Variants in TIAM2 observed in about 807,000 individuals in gnomAD.
TIAM2 encodes the protein TIAM Rac1 associated GEF 2.
In TIAM2, 80 loss-of-function variants were observed where a neutral mutation model predicts 152.9. That is an observed-to-expected ratio of 0.52 (90% confidence interval 0.44 to 0.63). The LOEUF is 0.63. Among genes scored for constraint, TIAM2 ranks in the 30% least tolerant of loss-of-function variants. The probability of loss-of-function intolerance (pLI) is 0.00; values close to 1 mark genes in which losing one functional copy is unlikely to be tolerated. For missense variants in TIAM2, 1,965 were observed against 2,120.1 expected, an observed-to-expected ratio of 0.93 and a Z score of 1.44; for synonymous variants, 804 against 838.0, an observed-to-expected ratio of 0.96 and a Z score of 0.70.
At chr6:155,152,624 T>C (rs1780002048) in intron 7 of TIAM2, among the ~76,000 whole-genome samples, 1 of 152,202 alleles carries the variant, frequency 6.6e-6, no homozygotes, top group Non-Finnish European at 1.5e-5. Context: ...GAGATGAGAC[T>C]TGTGGATCCG....
rs1178113121 is a variant in TIAM2 at position 155,029,391 on chromosome 6, ATATAC to A, written c.-209+33904_-209+33908del. Among the ~76,000 whole-genome samples the A allele has an allele frequency of 4.4e-4, 24 of 54,572 alleles. 1 individual carries two copies. In the East Asian group the frequency reaches 0.011, roughly 25 times the overall value. 35.8% of individuals were successfully genotyped at this position (54,572 alleles called of 152,430 possible). ...ATATACTATATATACTATGTTATATATATACTATAGTATATATAATATATACTATA... is the reference window on the plus strand; with the variant it reads ...ATATACTATATATACTATGTTATATATATAGTATATATAATATATACTATA... On this transcript the variant is annotated intron_variant, in intron 1 of 26. Coordinates refer to ENST00000682666, the MANE Select transcript of TIAM2 (RefSeq NM_012454.4).
intron 15 of TIAM2, among the ~76,000 whole-genome samples, chr6:155,222,243 C>T (rs1261908819): frequency 1.3e-5 from 2 of 151,902 alleles, no homozygotes; most frequent in Non-Finnish European, 2.9e-5. Context: ...CGTGAGCCAC[C>T]ACACCCGGCC....
At chr6:155,075,534 A>G (rs1777936643) in intron 1 of TIAM2, among the ~76,000 whole-genome samples, 1 of 152,226 alleles carries the variant, frequency 6.6e-6, no homozygotes, top group Admixed American at 6.5e-5. Context: ...TTAGTGTGTA[A>G]TAACACAGAA....
At chr6:155,196,033 C>T (rs755098676) in intron 14 of TIAM2, among the ~76,000 whole-genome samples, 8 of 152,158 alleles carry the variant, frequency 5.3e-5, no homozygotes, top group African/African-American at 1.4e-4. Context: ...CATGATCTGA[C>T]GAGTGATTGG....
intron 1 of TIAM2, among the ~76,000 whole-genome samples, chr6:155,009,145 A>G (rs1034987361): frequency 8.4e-6 from 1 of 119,192 alleles, no homozygotes; most frequent in Non-Finnish European, 1.6e-5. Context: ...TCTGTCACCG[A>G]GGCTGGAGTG....
In TIAM2 at chr6:155,156,899, G is replaced by A. The variant is rs934565117; in HGVS notation, c.2029-7516G>A. 1.3e-5 allele frequency among the ~76,000 whole-genome samples: 2 copies of A among 152,140 alleles called. No individual in the cohort carries two copies. Among genetic ancestry groups the A allele is most frequent in the African/African-American group, 4.8e-5 (2 of 41,420 alleles). ...CACCCCTTCTCGACTGTCATGAAGGGTTTAGGGGTCGCTTCCTCCAAGGCG... is the reference window on the plus strand; with the variant it reads ...CACCCCTTCTCGACTGTCATGAAGGATTTAGGGGTCGCTTCCTCCAAGGCG... On this transcript the variant is annotated intron_variant, in intron 7 of 26. Coordinates refer to ENST00000682666, the MANE Select transcript of TIAM2 (RefSeq NM_012454.4). The surrounding 1 kb of genome is among the most constrained non-coding windows in gnomAD (Gnocchi z 4.4).
rs539856174 is a variant in TIAM2, at chr6:155,102,035, C to T, written c.-118+11656C>T. Among the ~76,000 whole-genome samples, 4 of 149,612 alleles carry T rather than the reference C, an allele frequency of 2.7e-5. No homozygotes were observed. The East Asian group carries it at 8.0e-4, about 30-fold the overall frequency. ...TGAGACACAGTCTCACTTTGTCGCC[C>T]AGGCTGGAGTAAGTGCAGTGGCACT... On this transcript the variant is annotated intron_variant, in intron 2 of 26. Coordinates refer to ENST00000682666, the MANE Select transcript of TIAM2 (RefSeq NM_012454.4).
At chr6:155,108,626 A>G (rs1166434241) in intron 2 of TIAM2, among the ~76,000 whole-genome samples, 1 of 152,196 alleles carries the variant, frequency 6.6e-6, no homozygotes, top group Non-Finnish European at 1.5e-5. Context: ...CTCTCATTAG[A>G]TCAGGCCTGC....
Position 155,165,406 on chromosome 6 carries a change from T to C in TIAM2, c.2358T>C (p.Thr786=). The C allele has an allele frequency of 6.2e-7, 1 of 1,608,588 alleles. No homozygotes were observed. Among genetic ancestry groups the C allele is most frequent in the South Asian group, 1.1e-5 (1 of 89,862 alleles). ...RKGKEKRPSI[T]QVDELLHIYG... ...GCAAGGAGAAGAGACCTTCTATAAC[T>C]CAGGTGAGCTTTTCAGCATGGGAAC... Residue 786 remains threonine (T), a synonymous_variant, in exon 9 of 27, where the codon ACT becomes ACC. Coordinates refer to ENST00000682666, the MANE Select transcript of TIAM2 (RefSeq NM_012454.4).
chr6:155,241,532 G>T (rs543114740), intron 16 of TIAM2, among the ~76,000 whole-genome samples: 7 of 152,110 alleles, frequency 4.6e-5, no homozygotes, highest in East Asian at 3.9e-4. Flanking sequence ...CAACTCTGAC[G>T]TGCTGGGTCC....
chr6:155,054,677 G>A (rs568102481), intron 1 of TIAM2, among the ~76,000 whole-genome samples: 6 of 152,172 alleles, frequency 3.9e-5, no homozygotes, highest in Non-Finnish European at 8.8e-5. Context: ...CGCCCCCTGG[G>A]TTCAAGTGAT....
At chr6:154,999,920 G>T (rs1033356678) in intron 1 of TIAM2, among the ~76,000 whole-genome samples, 1 of 150,722 alleles carries the variant, frequency 6.6e-6, no homozygotes, top group Admixed American at 6.6e-5. Flanking sequence ...CTTGTGATCC[G>T]CCCGCCTCGG....
At chr6:155,165,600 G>C (rs532254271) in intron 9 of TIAM2, among the ~76,000 whole-genome samples, 191 bp downstream of exon 9, 1 of 152,270 alleles carries the variant, frequency 6.6e-6, no homozygotes, top group South Asian at 2.1e-4. Context: ...AGGACTTCAA[G>C]ACCAGCCTGG....
chr6:155,057,017 CTTTTTTTTTTTT>C (rs71023612), intron 1 of TIAM2, among the ~76,000 whole-genome samples: 7 of 43,870 alleles, frequency 1.6e-4, no homozygotes, highest in Admixed American at 3.9e-4. Flanking sequence ...AGTTTTCTTT[CTTTTTTTTTTTT>C]TTTTTTTTTT....
chr6:155,220,704 C>T (rs1030572260), intron 15 of TIAM2, among the ~76,000 whole-genome samples: 1 of 151,990 alleles, frequency 6.6e-6, no homozygotes, highest in South Asian at 2.1e-4. Flanking sequence ...AAACTAGGGA[C>T]AAAAAGAAGA....
chr6:155,239,346 C>T (rs3935935), intron 15 of TIAM2, among the ~76,000 whole-genome samples: 80,448 of 152,062 alleles, frequency 0.53, 21,907 homozygotes, highest in Middle Eastern at 0.6. Context: ...GGCCGAGTAC[C>T]TCCTGTGCTG....
In TIAM2 at chr6:155,256,863, T is replaced by G. The variant is rs1214098051; in HGVS notation, c.4848T>G (p.Gly1616=). ...EAEQQPGPES[G]EGQKGGEQPK... ...AGCAGCAGCCTGGCCCGGAGTCGGG[T>G]GAGGGTCAGAAAGGAGGAGAGCAGC... Residue 1616 remains glycine (G), a synonymous_variant, in exon 27 of 27, where the codon GGT becomes GGG. Coordinates refer to ENST00000682666, the MANE Select transcript of TIAM2 (RefSeq NM_012454.4). 6.2e-7 allele frequency: 1 copy of G among 1,614,010 alleles called. No individual in the cohort carries two copies. Among genetic ancestry groups the G allele is most frequent in the Non-Finnish European group, 8.5e-7 (1 of 1,180,004 alleles).
intron 20 of TIAM2, 29 bp downstream of exon 20, chr6:155,248,208 G>C (rs1169756109): frequency 6.2e-7 from 1 of 1,603,928 alleles, no homozygotes; most frequent in East Asian, 2.2e-5. Flanking sequence ...CTCCGGGCGA[G>C]GGCCTGCACA....
chr6:155,029,548 G>A (rs1475132684), intron 1 of TIAM2, among the ~76,000 whole-genome samples: 127 of 48,842 alleles, frequency 2.6e-3, no homozygotes, highest in Non-Finnish European at 3.2e-3. Context: ...TATATATTAT[G>A]TAGTATAAAT....
Sources: allele counts gnomAD v4.1 joint callset (sites outside exome capture counted in the v4.1 genomes callset), GRCh38; gene constraint gnomAD v4.1.1; non-coding constraint Gnocchi (gnomAD v3.1); transcripts MANE v1.5; gene names NCBI Gene and HGNC (gene_info 2026-07-23, HGNC 2026-07-21).